EYS: variants seen among roughly 807,000 people sequenced by gnomAD.
EYS encodes protein eyes shut homolog.
In EYS, 250 loss-of-function variants were observed where a neutral mutation model predicts 282.1. The observed-to-expected ratio is 0.89, with a 90% CI of 0.80 to 0.98. The LOEUF is 0.98. Ranked by LOEUF, EYS falls within the 50% of genes least tolerant of loss-of-function variation. The pLI, the probability that EYS is intolerant of heterozygous loss-of-function variation, is 0.00. For missense variants in EYS, 4,016 were observed against 3,709.0 expected (o/e 1.08, Z -2.15); for synonymous variants, 1,355 against 1,282.9 (o/e 1.06, Z -1.20).
chr6:64,567,845 T>C (rs532302299), intron 26 of EYS, among the ~76,000 whole-genome samples: 1 of 152,338 alleles, frequency 6.6e-6, no homozygotes, highest in South Asian at 2.1e-4. Context: ...TTTAACCTTC[T>C]GCTCTAAACA....
At chr6:64,288,068 G>A (rs1190146616) in intron 30 of EYS, among the ~76,000 whole-genome samples, 2 of 152,124 alleles carry the variant, frequency 1.3e-5, no homozygotes, top group South Asian at 2.1e-4. Flanking sequence ...AGGGGTTTGG[G>A]AACACAGTAA....
chr6:64,851,373 C>T (rs1765880330), intron 19 of EYS, among the ~76,000 whole-genome samples: 2 of 151,940 alleles, frequency 1.3e-5, no homozygotes, highest in Admixed American at 1.3e-4. Flanking sequence ...ATGTCAGAAG[C>T]AAATAATTTA....
chr6:64,316,944 A>AT (rs1769993482), intron 29 of EYS, among the ~76,000 whole-genome samples: 1 of 152,186 alleles, frequency 6.6e-6, no homozygotes, highest in Non-Finnish European at 1.5e-5. Context: ...GACAAACCTG[A>AT]TAAAAACAAG....
intron 41 of EYS, among the ~76,000 whole-genome samples, chr6:63,731,381 G>T (rs374357921): frequency 6.6e-6 from 1 of 151,952 alleles, no homozygotes; most frequent in African/African-American, 2.4e-5. Context: ...TTTTAAATTC[G>T]ATTTGCAATT....
intron 37 of EYS, among the ~76,000 whole-genome samples, chr6:63,790,207 T>C (rs1396028653): frequency 6.6e-6 from 1 of 152,188 alleles, no homozygotes; most frequent in East Asian, 1.9e-4. Flanking sequence ...CACAGCCTCC[T>C]CCTTCTGCAT....
intron 31 of EYS, among the ~76,000 whole-genome samples, chr6:64,125,809 AGTTGTC>A (rs1773765202): frequency 6.7e-6 from 1 of 149,072 alleles, no homozygotes; most frequent in African/African-American, 2.5e-5. Flanking sequence ...AAAAAAAAAA[AGTTGTC>A]AACTCTCAAA....
intron 35 of EYS, 66 bp downstream of exon 35, chr6:63,984,317 G>T (rs1044068354): frequency 4.3e-6 from 5 of 1,163,884 alleles, no homozygotes; most frequent in African/African-American, 3.1e-5. Flanking sequence ...AATACTGCTG[G>T]CTTTTGTTGT....
At position 64,937,538 on chromosome 6, in the gene EYS, T is replaced by G. The variant is rs73454630; in HGVS notation, c.2381+8255A>C. On this transcript the variant is annotated intron_variant, in intron 15 of 42. Coordinates refer to ENST00000503581, the MANE Select transcript of EYS (RefSeq NM_001142800.2). ...CGAGGTCAGAAAGCACATGTTAAGATGAGCTGTATTATTAGTCCTTAGGGA... is the reference window on the plus strand; with the variant it reads ...CGAGGTCAGAAAGCACATGTTAAGAGGAGCTGTATTATTAGTCCTTAGGGA... Among the ~76,000 whole-genome samples the G allele has an allele frequency of 6.6e-3, 995 of 151,672 alleles. 9 individuals carry two copies. The highest frequency in any genetic ancestry group is 0.022 in the African/African-American group (899 of 41,500).
At chr6:64,919,651 G>A (rs1229207742) in intron 15 of EYS, among the ~76,000 whole-genome samples, 1 of 151,566 alleles carries the variant, frequency 6.6e-6, no homozygotes, top group Non-Finnish European at 1.5e-5. Context: ...CATACATTTT[G>A]ATGTAAATGA....
At chr6:65,424,030 T>C (rs1767569692) in intron 5 of EYS, among the ~76,000 whole-genome samples, 1 of 152,002 alleles carries the variant, frequency 6.6e-6, no homozygotes, top group East Asian at 1.9e-4. Context: ...TAATCCTAGC[T>C]TTCTTGGGAA....
At chr6:65,140,295 A>G (rs1243548026) in intron 12 of EYS, among the ~76,000 whole-genome samples, 1 of 152,018 alleles carries the variant, frequency 6.6e-6, no homozygotes, top group Non-Finnish European at 1.5e-5. Context: ...GAATTGGTGA[A>G]CTTGAAAATA....
intron 1 of EYS, among the ~76,000 whole-genome samples, chr6:65,648,361 A>G (rs1222284969): frequency 1.4e-5 from 2 of 141,574 alleles, no homozygotes; most frequent in South Asian, 4.7e-4. Flanking sequence ...TATACCATAG[A>G]ATACTACACA....
chr6:65,016,385 C>G (rs1193576496), intron 13 of EYS, among the ~76,000 whole-genome samples: 1 of 152,018 alleles, frequency 6.6e-6, no homozygotes, highest in Non-Finnish European at 1.5e-5. Context: ...TAGATGTTTA[C>G]AAAAATGTGA....
At chr6:65,587,935 T>C (rs147789757) in intron 2 of EYS, among the ~76,000 whole-genome samples, 48 of 152,212 alleles carry the variant, frequency 3.2e-4, no homozygotes, top group African/African-American at 1.1e-3. Context: ...AAGTTAAAGA[T>C]GGCAGAGTAA....
chr6:64,859,605 A>T (rs986521446), intron 19 of EYS, among the ~76,000 whole-genome samples: 1 of 152,044 alleles, frequency 6.6e-6, no homozygotes, highest in Admixed American at 6.6e-5. Flanking sequence ...GTTTCACAAG[A>T]TCTGATCATT....
At chr6:64,199,751 A>G (rs11753850) in intron 31 of EYS, among the ~76,000 whole-genome samples, 46,687 of 152,008 alleles carry the variant, frequency 0.31, 7,241 homozygotes, top group East Asian at 0.5. Flanking sequence ...TCAAAAAATG[A>G]GCAAAGGATA....
chr6:65,516,342 A>T (rs1767134222), intron 2 of EYS, among the ~76,000 whole-genome samples: 4 of 152,104 alleles, frequency 2.6e-5, no homozygotes, highest in African/African-American at 9.7e-5. Flanking sequence ...CTAGACAAAG[A>T]CCACTGCTAA....
intron 13 of EYS, among the ~76,000 whole-genome samples, chr6:65,008,367 A>AGGCCC (rs1403644504): frequency 1.3e-5 from 2 of 152,152 alleles, no homozygotes; most frequent in Non-Finnish European, 2.9e-5. Context: ...AGTCTGCCAT[A>AGGCCC]GGCCCGGAGC....
chr6:64,790,852 TTTTA>T (rs1375333282), intron 22 of EYS, among the ~76,000 whole-genome samples: 2 of 151,888 alleles, frequency 1.3e-5, no homozygotes, highest in African/African-American at 4.8e-5. Flanking sequence ...TTCTTATTCT[TTTTA>T]TTTATTTTGC....
Sources: allele counts gnomAD v4.1 joint callset (sites outside exome capture counted in the v4.1 genomes callset), GRCh38; gene constraint gnomAD v4.1.1; transcripts MANE v1.5; gene names NCBI Gene and HGNC (gene_info 2026-07-23, HGNC 2026-07-21).